PCM1: variants seen among roughly 807,000 people sequenced by gnomAD.
PCM1 encodes pericentriolar material 1 protein.
PCM1 carries 157 observed loss-of-function variants against 241.9 expected under a neutral mutation model. The observed-to-expected ratio is 0.65, with a 90% CI of 0.57 to 0.74. The LOEUF is 0.74. Ranked by LOEUF, PCM1 falls within the 30% of genes least tolerant of loss-of-function variation. The pLI, the probability that PCM1 is intolerant of heterozygous loss-of-function variation, is 0.00. For missense variants in PCM1, 3,478 were observed against 2,360.1 expected (o/e 1.47, Z -9.81); for synonymous variants, 1,085 against 784.9 (o/e 1.38, Z -6.39).
At chr8:18,007,977 C>G (rs938106203) in intron 30 of PCM1, among the ~76,000 whole-genome samples, 1 of 152,104 alleles carries the variant, frequency 6.6e-6, no homozygotes, top group African/African-American at 2.4e-5. Context: ...TTTGAAGATT[C>G]TCAACCTAAA....
At chr8:17,946,725 A>AC (rs2063904717) in intron 6 of PCM1, among the ~76,000 whole-genome samples, 1 of 151,740 alleles carries the variant, frequency 6.6e-6, no homozygotes, top group Non-Finnish European at 1.5e-5. Context: ...CAAACTCCTG[A>AC]CCTTGTGATC....
chr8:17,938,890 A>G lies in PCM1; in HGVS notation c.493A>G (p.Thr165Ala), dbSNP rs1285836254. 2 of 1,613,748 alleles carry G rather than the reference A, an allele frequency of 1.2e-6. No individual in the cohort carries two copies. Among genetic ancestry groups the G allele is most frequent in the South Asian group, 2.2e-5 (2 of 91,084 alleles). Residue 165 changes from threonine (T) to alanine (A), a missense_variant, in exon 5 of 39, where the codon ACG becomes GCG. By Grantham distance (58) the Thr-to-Ala change is moderately conservative. Transcript: ENST00000325083. ...DASTNPPNRE[T>A]IGSAQCKELF... is the part of the protein sequence containing the mutation. ...ATCTACAAACCCCCCAAACAGAGAA[A>G]CGATTGGATCAGCACAGTGTAAAGA...
At chr8:17,942,288 GA>G (rs1337819768) in intron 6 of PCM1, among the ~76,000 whole-genome samples, 29 of 152,048 alleles carry the variant, frequency 1.9e-4, no homozygotes, top group African/African-American at 6.8e-4. Context: ...CCAACATGGC[GA>G]AACCCTGTCT....
At chr8:18,003,455 C>T (rs1186546879) in intron 29 of PCM1, among the ~76,000 whole-genome samples, 3 of 152,126 alleles carry the variant, frequency 2.0e-5, no homozygotes, top group African/African-American at 4.8e-5. Context: ...CCTAGAATGA[C>T]CTTCTCCTCT....
At chr8:17,985,867 C>T in intron 25 of PCM1, 92 bp from the exon 26 acceptor site, 3 of 906,004 alleles carry the variant, frequency 3.3e-6, no homozygotes, top group Non-Finnish European at 4.8e-6. Flanking sequence ...TACATTTTTC[C>T]TTCCATCTGC....
chr8:17,936,271 G>A (rs534680369), intron 3 of PCM1, among the ~76,000 whole-genome samples: 1 of 152,296 alleles, frequency 6.6e-6, no homozygotes, highest in South Asian at 2.1e-4. Context: ...TGAGGTGTAA[G>A]TAGTGTAACA....
At chr8:17,973,384 C>T (rs552022647) in intron 23 of PCM1, among the ~76,000 whole-genome samples, 1 of 152,184 alleles carries the variant, frequency 6.6e-6, no homozygotes, top group African/African-American at 2.4e-5. Flanking sequence ...AAAGGATGGG[C>T]TATGGCCTTG....
chr8:18,007,885 T>G lies in PCM1; in HGVS notation c.4962+1488T>G, dbSNP rs373522271. 1.4e-4 allele frequency among the ~76,000 whole-genome samples: 21 copies of G among 152,340 alleles called. No individual in the cohort carries two copies. In the East Asian group the frequency reaches 3.7e-3, roughly 27 times the overall value. ...GCATTGAACATCATAGTTGTTTGCC[T>G]GTTTGCTAAATAGGGTAGTCCATAT... On this transcript the variant is annotated intron_variant, in intron 30 of 38. Transcript: ENST00000325083.
intron 2 of PCM1, chr8:17,926,726 AT>A (rs2057110718): frequency 6.6e-6 from 1 of 152,238 alleles, no homozygotes; most frequent in South Asian, 2.1e-4. Context: ...TGAGTAAAGA[AT>A]CAAGGGATTG....
At chr8:17,993,406 T>C in intron 28 of PCM1, 77 bp from the exon 29 acceptor site, 1 of 980,134 alleles carries the variant, frequency 1.0e-6, no homozygotes, top group South Asian at 2.2e-5. Flanking sequence ...TTAATATTTT[T>C]CAAATTTCAA....
intron 29 of PCM1, among the ~76,000 whole-genome samples, chr8:17,996,871 T>A (rs1368629230): frequency 6.6e-6 from 1 of 152,234 alleles, no homozygotes; most frequent in East Asian, 1.9e-4. Flanking sequence ...CTGTACCATG[T>A]CTTGAAAAGT....
In PCM1 at chr8:18,011,338, AGAAAGT is replaced by A. The variant is rs1222387318; in HGVS notation, c.5326_5331del (p.Ser1776_Glu1777del). On this transcript the variant is annotated inframe_deletion, in exon 33 of 39. Coordinates refer to ENST00000325083, the MANE Select transcript of PCM1 (RefSeq NM_006197.4). Reference sequence around the variant, plus strand: ...ATATTTCTGATCAAGAGGAAGATGAAGAAAGTGAAGGATGTCCAGTGTCTATTAGTA... The same window carrying A: ...ATATTTCTGATCAAGAGGAAGATGAAGAAGGATGTCCAGTGTCTATTAGTA... The A allele has an allele frequency of 1.2e-6, 2 of 1,602,558 alleles. No individual in the cohort carries two copies. The highest frequency in any genetic ancestry group is 1.7e-6 in the Non-Finnish European group (2 of 1,175,846).
At position 18,028,358 on chromosome 8, in the gene PCM1, T is replaced by C. The variant is rs1305191165; in HGVS notation, c.*696T>C. The C allele has an allele frequency of 1.0e-5, 2 of 191,318 alleles. No homozygotes were observed. The highest frequency in any genetic ancestry group is 8.3e-5 in the East Asian group (1 of 11,978). 11.9% of individuals were successfully genotyped at this position (191,318 alleles called of 1,614,324 possible). On this transcript the variant is annotated 3_prime_UTR_variant, in exon 39 of 39. Transcript: ENST00000325083. ...GATTTGAAATTCTGGAAAATATTTATCTACATCGCCTCAGACTAAAAGTAA... is the reference window on the plus strand; with the variant it reads ...GATTTGAAATTCTGGAAAATATTTACCTACATCGCCTCAGACTAAAAGTAA...
rs1295140316 is a variant in PCM1 at position 18,029,405 on chromosome 8, A to G, written c.*1743A>G. ...TGGAACAATAAGTTATGTTACATGC[A>G]CACTCAAATTCTTTATTTTCTCCAC... On this transcript the variant is annotated 3_prime_UTR_variant, in exon 39 of 39. Transcript: ENST00000325083. The G allele has an allele frequency of 4.6e-6, 1 of 217,780 alleles. No individual in the cohort carries two copies. Among genetic ancestry groups the G allele is most frequent in the Non-Finnish European group, 9.2e-6 (1 of 108,510 alleles). 13.5% of individuals were successfully genotyped at this position (217,780 alleles called of 1,614,324 possible). A position where few individuals can be genotyped will look rare whatever the true frequency, so the allele number is the denominator to read the frequency against.
rs1419995439 is a variant in PCM1 at position 18,029,044 on chromosome 8, G to C, written c.*1382G>C. 1 of 176,912 alleles carries C rather than the reference G, an allele frequency of 5.7e-6. No individual in the cohort carries two copies. The highest frequency in any genetic ancestry group is 6.3e-5 in the Admixed American group (1 of 15,790). 11.0% of individuals were successfully genotyped at this position (176,912 alleles called of 1,614,324 possible). On this transcript the variant is annotated 3_prime_UTR_variant, in exon 39 of 39. Transcript: ENST00000325083. ...CACGTGCCTGTAGTCCTAGCTACTT[G>C]GGAGGCTAAGGCAGGAGAATAGCCT...
At chr8:17,935,811 T>C (rs2060250140) in intron 3 of PCM1, 105 bp downstream of exon 3, 2 of 615,988 alleles carry the variant, frequency 3.2e-6, no homozygotes, top group South Asian at 4.3e-5. Context: ...ATACACTTGC[T>C]GGCCAAGACA....
intron 6 of PCM1, among the ~76,000 whole-genome samples, chr8:17,941,480 A>G (rs1187748007): frequency 6.6e-6 from 1 of 151,892 alleles, no homozygotes; most frequent in African/African-American, 2.4e-5. Context: ...GAAAACTTAA[A>G]AGACTAAATA....
intron 29 of PCM1, among the ~76,000 whole-genome samples, chr8:18,001,794 T>C (rs1050657438): frequency 6.6e-6 from 1 of 152,084 alleles, no homozygotes; most frequent in African/African-American, 2.4e-5. Context: ...TTTTTTGGAA[T>C]GTTTTGAGAG....
intron 20 of PCM1, 44 bp downstream of exon 20, chr8:17,966,517 A>G (rs200005089): frequency 6.4e-7 from 1 of 1,566,070 alleles, no homozygotes; most frequent in Non-Finnish European, 8.8e-7. Flanking sequence ...AAGAGCTAAC[A>G]TTGAGCAGAG....
Sources: allele counts gnomAD v4.1 joint callset (sites outside exome capture counted in the v4.1 genomes callset), GRCh38; gene constraint gnomAD v4.1.1; transcripts MANE v1.5; gene names NCBI Gene and HGNC (gene_info 2026-07-23, HGNC 2026-07-21).